Variants in RAPGEF4 observed in about 807,000 individuals in gnomAD.
RAPGEF4 encodes the protein RAP guanine-nucleotide-exchange factor (GEF) 4.
Under a neutral mutation model 147.9 loss-of-function variants are expected in RAPGEF4, and 66 were observed. The ratio of observed to expected loss-of-function variants is 0.45; its 90% CI spans 0.37 to 0.55. The LOEUF (loss-of-function observed/expected upper bound fraction) is 0.55, where lower values mean the gene tolerates loss of function less well. Among genes scored for constraint, RAPGEF4 ranks in the 20% least tolerant of loss-of-function variants. The probability of loss-of-function intolerance (pLI) is 0.00; values close to 1 mark genes in which losing one functional copy is unlikely to be tolerated. For missense variants in RAPGEF4, 1,071 were observed against 1,257.3 expected (o/e 0.85, Z 2.24); for synonymous variants, 419 against 442.7 (o/e 0.95, Z 0.67).
rs558819257 is a variant in RAPGEF4 at position 172,967,171 on chromosome 2, C to A, written c.821-90C>A. 29 of 1,348,848 alleles carry A rather than the reference C, an allele frequency of 2.1e-5. No homozygotes were observed. The African/African-American group carries it at 3.5e-4, about 16-fold the overall frequency. 83.6% of individuals were successfully genotyped at this position (1,348,848 alleles called of 1,614,324 possible). A position where few individuals can be genotyped will look rare whatever the true frequency, so the allele number is the denominator to read the frequency against. The stretch of plus-strand genomic sequence containing the variant: ...CTCCCGGCTTTGCTGCCACTTGGCC[C>A]TCCTGCCTGACACTCTGCATTTGTT... On this transcript the variant is annotated intron_variant, in intron 9 of 30. Coordinates refer to ENST00000397081, the MANE Select transcript of RAPGEF4 (RefSeq NM_007023.4).
chr2:173,005,520 G>GTTTTTTTTT lies in RAPGEF4; in HGVS notation c.1658+4189_1658+4197dup, dbSNP rs573596077. ...TTTGTTGTTGTTGTTGTTGTTTTGT[G>GTTTTTTTTT]TTTTTTTTTTTTTTTTTTTTTGAGA... On this transcript the variant is annotated intron_variant, in intron 17 of 30. Transcript: ENST00000397081. Among the ~76,000 whole-genome samples, 151 of 86,710 alleles carry GTTTTTTTTT rather than the reference G, an allele frequency of 1.7e-3. 8 individuals carry two copies. Among genetic ancestry groups the GTTTTTTTTT allele is most frequent in the South Asian group, 3.0e-3 (7 of 2,312 alleles). The allele number at this position is 86,710 out of a possible 152,430, so 56.9% of individuals were successfully genotyped here. A position where few individuals can be genotyped will look rare whatever the true frequency, so the allele number is the denominator to read the frequency against.
chr2:172,773,650 C>CACACTGCCCCCA (rs1388798300), intron 1 of RAPGEF4, among the ~76,000 whole-genome samples: 1 of 151,864 alleles, frequency 6.6e-6, no homozygotes, highest in South Asian at 2.1e-4. Context: ...CACTGCCCCC[C>CACACTGCCCCCA]CCGCGGACCA....
intron 3 of RAPGEF4, among the ~76,000 whole-genome samples, chr2:172,812,647 T>C (rs1688133586): frequency 6.6e-6 from 1 of 152,232 alleles, no homozygotes; most frequent in Non-Finnish European, 1.5e-5. Flanking sequence ...CCTAGTTCTT[T>C]TGCATTATAC....
At chr2:172,777,524 T>A (rs978449368) in intron 1 of RAPGEF4, among the ~76,000 whole-genome samples, 4 of 152,194 alleles carry the variant, frequency 2.6e-5, no homozygotes, top group African/African-American at 9.7e-5. Flanking sequence ...ACCTATTGTC[T>A]GCCACATCTC....
At chr2:172,792,541 T>A (rs184067641) in intron 1 of RAPGEF4, among the ~76,000 whole-genome samples, 3 of 152,058 alleles carry the variant, frequency 2.0e-5, no homozygotes. Flanking sequence ...CTAGTAGGGG[T>A]TTGTTGGGAG....
At chr2:172,931,795 A>C (rs1419479252) in intron 6 of RAPGEF4, among the ~76,000 whole-genome samples, 1 of 152,254 alleles carries the variant, frequency 6.6e-6, no homozygotes, top group Non-Finnish European at 1.5e-5. Flanking sequence ...TTTAAATCTT[A>C]CGTTTAACCA....
At chr2:172,817,654 T>C (rs2149613982) in intron 4 of RAPGEF4, among the ~76,000 whole-genome samples, 1 of 152,238 alleles carries the variant, frequency 6.6e-6, no homozygotes, top group East Asian at 1.9e-4. Flanking sequence ...TGTAAACTAG[T>C]GCAACCACTA....
At chr2:172,757,299 C>T (rs1389635253) in intron 1 of RAPGEF4, among the ~76,000 whole-genome samples, 2 of 152,202 alleles carry the variant, frequency 1.3e-5, no homozygotes, top group Non-Finnish European at 2.9e-5. Flanking sequence ...CTAAAGCATA[C>T]TGAGTATCAT....
At chr2:172,777,028 G>A (rs1684235683) in intron 1 of RAPGEF4, among the ~76,000 whole-genome samples, 1 of 152,098 alleles carries the variant, frequency 6.6e-6, no homozygotes, top group South Asian at 2.1e-4. Flanking sequence ...CTATGCTATT[G>A]AGAGTCTGGA....
intron 6 of RAPGEF4, among the ~76,000 whole-genome samples, chr2:172,923,924 C>T (rs1672024777): frequency 6.6e-6 from 1 of 152,146 alleles, no homozygotes; most frequent in South Asian, 2.1e-4. Flanking sequence ...CCTTTTATGG[C>T]TGCCCCTTCT....
chr2:172,973,178 T>C (rs1690692837), intron 10 of RAPGEF4, among the ~76,000 whole-genome samples: 2 of 151,482 alleles, frequency 1.3e-5, no homozygotes, highest in African/African-American at 4.9e-5. Flanking sequence ...AGTGGGGTGA[T>C]CTCAGTTCAC....
At chr2:172,741,755 T>C (rs1043048194) in intron 1 of RAPGEF4, among the ~76,000 whole-genome samples, 4 of 152,252 alleles carry the variant, frequency 2.6e-5, no homozygotes, top group Admixed American at 2.6e-4. Context: ...CACTGCATCC[T>C]TGACCTCCTG....
At chr2:172,952,929 A>G (rs984763141) in intron 6 of RAPGEF4, among the ~76,000 whole-genome samples, 1 of 152,212 alleles carries the variant, frequency 6.6e-6, no homozygotes, top group Admixed American at 6.5e-5. Flanking sequence ...GCACTGTGTT[A>G]GGGTATGTTG....
chr2:172,808,417 A>T (rs1687709210), intron 3 of RAPGEF4, among the ~76,000 whole-genome samples: 1 of 152,332 alleles, frequency 6.6e-6, no homozygotes, highest in South Asian at 2.1e-4. Context: ...TCCACTTGAC[A>T]TCCAGACTAG....
intron 4 of RAPGEF4, 165 bp downstream of exon 4, chr2:172,814,590 A>G: frequency 1.3e-6 from 1 of 771,732 alleles, no homozygotes; most frequent in Non-Finnish European, 2.1e-6. Context: ...TGAAAAAGCC[A>G]TTTTGACACA....
intron 5 of RAPGEF4, chr2:172,918,141 C>T: frequency 1.7e-6 from 1 of 581,608 alleles, no homozygotes; most frequent in Non-Finnish European, 3.2e-6. Context: ...AAAATATCTT[C>T]ATCTTATAGT....
At chr2:172,808,564 A>C (rs968491315) in intron 3 of RAPGEF4, among the ~76,000 whole-genome samples, 24 of 152,354 alleles carry the variant, frequency 1.6e-4, no homozygotes, top group African/African-American at 5.5e-4. Flanking sequence ...TAACCCATAC[A>C]TGTTTGTGAC....
intron 23 of RAPGEF4, among the ~76,000 whole-genome samples, chr2:173,025,254 A>C (rs543735507): frequency 5.3e-5 from 8 of 152,208 alleles, no homozygotes; most frequent in Non-Finnish European, 1.0e-4. Flanking sequence ...CCTCTCTTAG[A>C]CTGTAAACTT....
intron 4 of RAPGEF4, among the ~76,000 whole-genome samples, chr2:172,893,510 G>C (rs1698159398): frequency 6.6e-6 from 1 of 152,308 alleles, no homozygotes; most frequent in Middle Eastern, 3.4e-3. Context: ...CGAATCATGG[G>C]AGTTGAGCAC....
Sources: allele counts gnomAD v4.1 joint callset (sites outside exome capture counted in the v4.1 genomes callset), GRCh38; gene constraint gnomAD v4.1.1; transcripts MANE v1.5; gene names NCBI Gene and HGNC (gene_info 2026-07-23, HGNC 2026-07-21).